CTNNBL1: variants seen among roughly 807,000 people sequenced by gnomAD.
CTNNBL1 encodes the protein catenin beta like 1.
Under a neutral mutation model 72.7 loss-of-function variants are expected in CTNNBL1, and 31 were observed. The ratio of observed to expected loss-of-function variants is 0.43; its 90% CI spans 0.32 to 0.58. CTNNBL1 has a LOEUF of 0.58. Among genes scored for constraint, CTNNBL1 ranks in the 20% least tolerant of loss-of-function variants. CTNNBL1 has a pLI of 0.08. For missense variants in CTNNBL1, 534 were observed against 725.1 expected, an observed-to-expected ratio of 0.74 and a Z score of 3.03; for synonymous variants, 240 against 267.3, an observed-to-expected ratio of 0.90 and a Z score of 1.00.
intron 1 of CTNNBL1, among the ~76,000 whole-genome samples, chr20:37,727,862 C>G (rs1188935968): frequency 6.6e-6 from 1 of 152,138 alleles, no homozygotes; most frequent in Non-Finnish European, 1.5e-5. Flanking sequence ...CAGCTCTGAG[C>G]TTCTTCCCTG....
intron 10 of CTNNBL1, 35 bp from the exon 11 acceptor site, chr20:37,802,832 T>C: frequency 6.5e-7 from 1 of 1,546,104 alleles, no homozygotes; most frequent in Non-Finnish European, 8.8e-7. Flanking sequence ...AATTTCCCCA[T>C]GAAATACCTT....
intron 14 of CTNNBL1, 58 bp downstream of exon 14, chr20:37,860,094 G>C: frequency 6.5e-7 from 1 of 1,534,114 alleles, no homozygotes; most frequent in Non-Finnish European, 8.8e-7. Flanking sequence ...CTCGCCAGCT[G>C]CTTAGGTGGA....
intron 1 of CTNNBL1, 43 bp from the exon 2 acceptor site, chr20:37,732,836 A>G (rs767432122): frequency 4.2e-5 from 66 of 1,585,626 alleles, no homozygotes; most frequent in Non-Finnish European, 5.3e-5. Flanking sequence ...CCTGGCTTCT[A>G]TGTTGTATCC....
intron 1 of CTNNBL1, among the ~76,000 whole-genome samples, chr20:37,703,738 A>G (rs1450878468): frequency 6.7e-6 from 1 of 149,940 alleles, no homozygotes; most frequent in Admixed American, 6.6e-5. Context: ...CCTTGGAACT[A>G]TTTCTCAAAG....
At chr20:37,805,462 T>C (rs535341021) in intron 11 of CTNNBL1, among the ~76,000 whole-genome samples, 17 of 149,584 alleles carry the variant, frequency 1.1e-4, no homozygotes, top group Non-Finnish European at 2.4e-4. Flanking sequence ...AGTGATGCGA[T>C]CTCGGCTCAC....
At chr20:37,849,926 G>A (rs1196342457) in intron 13 of CTNNBL1, among the ~76,000 whole-genome samples, 1 of 152,268 alleles carries the variant, frequency 6.6e-6, no homozygotes, top group African/African-American at 2.4e-5. Context: ...AGTAAATGCA[G>A]TATATGTAAA....
Position 37,725,463 on chromosome 20 carries a change from A to AT in CTNNBL1, c.31-7410dup, listed in dbSNP as rs550250896. On this transcript the variant is annotated intron_variant, in intron 1 of 15. Transcript: ENST00000361383. ...AGGCACCCACCACCACACCTGGCTA[A>AT]TTTTTTATTTTTACTAGAGATGGGG... 2.3e-3 allele frequency among the ~76,000 whole-genome samples: 351 copies of AT among 151,374 alleles called. 4 individuals are homozygous for AT. Among genetic ancestry groups the AT allele is most frequent in the African/African-American group, 8.1e-3 (334 of 41,314 alleles).
At chr20:37,706,228 G>A (rs2072883579) in intron 1 of CTNNBL1, among the ~76,000 whole-genome samples, 2 of 152,136 alleles carry the variant, frequency 1.3e-5, no homozygotes, top group African/African-American at 4.8e-5. Flanking sequence ...GGTGGCTGTG[G>A]CAATTTCTTA....
intron 10 of CTNNBL1, among the ~76,000 whole-genome samples, chr20:37,801,355 T>C (rs931504443): frequency 1.3e-5 from 2 of 152,204 alleles, no homozygotes; most frequent in African/African-American, 4.8e-5. Flanking sequence ...ATTGGTTTGG[T>C]TGGTTTATTT....
intron 11 of CTNNBL1, among the ~76,000 whole-genome samples, chr20:37,835,004 AG>A (rs2122800087): frequency 6.6e-6 from 1 of 152,370 alleles, no homozygotes; most frequent in South Asian, 2.1e-4. Context: ...ATGTTAAATT[AG>A]GGAACCTATT....
At chr20:37,781,005 C>G in intron 10 of CTNNBL1, among the ~76,000 whole-genome samples, 1 of 152,040 alleles carries the variant, frequency 6.6e-6, no homozygotes, top group East Asian at 1.9e-4. Flanking sequence ...CCAGTGTGTA[C>G]CAGACCTTGC....
chr20:37,738,057 G>A (rs1202923162), intron 3 of CTNNBL1, among the ~76,000 whole-genome samples: 1 of 152,218 alleles, frequency 6.6e-6, no homozygotes, highest in Non-Finnish European at 1.5e-5. Flanking sequence ...AGCCTTGTAA[G>A]CTAGCCCTTT....
intron 11 of CTNNBL1, among the ~76,000 whole-genome samples, chr20:37,836,393 C>T (rs1264057756): frequency 1.3e-5 from 2 of 152,214 alleles, no homozygotes; most frequent in African/African-American, 4.8e-5. Context: ...GGCCTCCCCT[C>T]TCCCACATGG....
intron 1 of CTNNBL1, among the ~76,000 whole-genome samples, chr20:37,704,128 C>T (rs1600431648): frequency 6.6e-6 from 1 of 152,188 alleles, no homozygotes; most frequent in South Asian, 2.1e-4. Context: ...GAGCCTGCCT[C>T]TCTCTCAGAG....
chr20:37,702,704 C>G (rs1455757812), intron 1 of CTNNBL1, among the ~76,000 whole-genome samples: 2 of 152,134 alleles, frequency 1.3e-5, no homozygotes, highest in Non-Finnish European at 2.9e-5. Flanking sequence ...GCGTTCTTCT[C>G]ATCATCTCTT....
rs116568775 is a variant in CTNNBL1, at chr20:37,696,072, G to A, written c.30+1920G>A. ...CGGCTTGGAATTTCTAGAATGGCTA[G>A]CCCATTAAAGCTAGAAGAGTTTCAT... On this transcript the variant is annotated intron_variant, in intron 1 of 15. Coordinates refer to ENST00000361383, the MANE Select transcript of CTNNBL1 (RefSeq NM_030877.5). Among the ~76,000 whole-genome samples the A allele has an allele frequency of 7.1e-3, 1,086 of 152,286 alleles. 15 individuals carry two copies. The highest frequency in any genetic ancestry group is 0.025 in the African/African-American group (1,040 of 41,528).
chr20:37,866,092 A>G (rs16987001), intron 15 of CTNNBL1, among the ~76,000 whole-genome samples: 4,003 of 152,324 alleles, frequency 0.026, 182 homozygotes, highest in African/African-American at 0.092. Flanking sequence ...ACGGTGTCCC[A>G]CAGGGTATTT....
intron 15 of CTNNBL1, among the ~76,000 whole-genome samples, chr20:37,869,353 G>T (rs1172786511): frequency 2.6e-5 from 4 of 152,252 alleles, no homozygotes; most frequent in Non-Finnish European, 5.9e-5. Flanking sequence ...GGATCAGCAG[G>T]TGTTTTATTA....
intron 15 of CTNNBL1, among the ~76,000 whole-genome samples, chr20:37,864,431 C>A (rs1189761384): frequency 6.6e-6 from 1 of 152,072 alleles, no homozygotes; most frequent in Non-Finnish European, 1.5e-5. Context: ...CTCAGGAAAA[C>A]GCTGATGAGG....
Sources: gnomAD v4.1 joint callset for allele counts (sites outside exome capture counted in the v4.1 genomes callset) on GRCh38, gnomAD v4.1.1 for gene constraint, MANE v1.5 for transcripts, NCBI Gene and HGNC (gene_info 2026-07-23, HGNC 2026-07-21) for gene names.